Variants in CTLA4 observed in about 807,000 individuals in gnomAD.
The protein encoded by CTLA4 is cytotoxic T-lymphocyte associated protein 4.
A neutral mutation model predicts 20.4 loss-of-function variants in CTLA4; 3 were observed. That is an observed-to-expected ratio of 0.15 (90% confidence interval 0.07 to 0.38). The LOEUF (loss-of-function observed/expected upper bound fraction) is 0.38. Ranked by LOEUF, CTLA4 falls within the 10% of genes least tolerant of loss-of-function variation. The pLI, the probability that CTLA4 is intolerant of heterozygous loss-of-function variation, is 1.00. For missense variants in CTLA4, 184 were observed against 276.8 expected (o/e 0.66, Z 2.38); for synonymous variants, 100 against 105.2 (o/e 0.95, Z 0.30).
At chr2:203,868,946 T>C (rs2105773697) in intron 1 of CTLA4, among the ~76,000 whole-genome samples, 1 of 152,234 alleles carries the variant, frequency 6.6e-6, no homozygotes, top group East Asian at 1.9e-4. Context: ...GAAATATTCA[T>C]ATATGTTTTC....
In CTLA4 at chr2:203,873,402, T is replaced by C. The variant is rs1256998932; in HGVS notation, c.*590T>C. ...TATATATTTTAATTTGATAGTATTG[T>C]GCATAGAGCCACGTATGTTTTTGTG... On this transcript the variant is annotated 3_prime_UTR_variant, in exon 4 of 4. Coordinates refer to ENST00000648405, the MANE Select transcript of CTLA4 (RefSeq NM_005214.5). 1 of 222,084 alleles carries C rather than the reference T, an allele frequency of 4.5e-6. No individual in the cohort carries two copies. The highest frequency in any genetic ancestry group is 7.2e-5 in the East Asian group (1 of 13,880). The allele number at this position is 222,084 out of a possible 1,614,324, so 13.8% of individuals were successfully genotyped here. A position where few individuals can be genotyped will look rare whatever the true frequency, so the allele number is the denominator to read the frequency against.
At chr2:203,872,169 CTCTCCCT>C in intron 3 of CTLA4, among the ~76,000 whole-genome samples, 1 of 152,108 alleles carries the variant, frequency 6.6e-6, no homozygotes, top group Non-Finnish European at 1.5e-5. Flanking sequence ...CCATTACAAA[CTCTCCCT>C]TCTCCCTCTC....
intron 2 of CTLA4, 106 bp from the exon 3 acceptor site, chr2:203,871,272 C>A: frequency 1.0e-6 from 1 of 958,494 alleles, no homozygotes; most frequent in Middle Eastern, 2.5e-4. Context: ...TAGGGGTGGA[C>A]CTCAAGGCCT....
chr2:203,872,857 C>A lies in CTLA4; in HGVS notation c.*45C>A. 7.8e-7 allele frequency: 1 copy of A among 1,275,322 alleles called. No individual in the cohort carries two copies. Among genetic ancestry groups the A allele is most frequent in the Non-Finnish European group, 1.1e-6 (1 of 877,210 alleles). 79.0% of individuals were successfully genotyped at this position (1,275,322 alleles called of 1,614,324 possible). Reference sequence around the variant, plus strand: ...GAGTCCATATTTCAATTTCCAAGAGCTGAGGCAATTCTAACTTTTTTGCTA... The same window carrying A: ...GAGTCCATATTTCAATTTCCAAGAGATGAGGCAATTCTAACTTTTTTGCTA... On this transcript the variant is annotated 3_prime_UTR_variant, in exon 4 of 4. Coordinates refer to ENST00000648405, the MANE Select transcript of CTLA4 (RefSeq NM_005214.5).
At position 203,870,213 on chromosome 2, in the gene CTLA4, A is replaced by G. The variant is rs761708285; in HGVS notation, c.110-373A>G. The G allele has an allele frequency of 2.5e-5, 7 of 279,982 alleles. No homozygotes were observed. The highest frequency in any genetic ancestry group is 4.8e-5 in the Non-Finnish European group (7 of 145,926). The allele number at this position is 279,982 out of a possible 1,614,324, so 17.3% of individuals were successfully genotyped here. On this transcript the variant is annotated intron_variant, in intron 1 of 3. Transcript: ENST00000648405. This position sits in a 1 kb window ranked among gnomAD's most constrained non-coding sequence, Gnocchi z 5.3. ...TCATAACCTTAGAATACCAGAGAACATATCATCTCATCTAATTATCTCTTA... is the reference window on the plus strand; with the variant it reads ...TCATAACCTTAGAATACCAGAGAACGTATCATCTCATCTAATTATCTCTTA...
At position 203,873,327 on chromosome 2, in the gene CTLA4, CATATATATATATATATATAT is replaced by C. The variant is rs60872763; in HGVS notation, c.*552_*571del. On this transcript the variant is annotated 3_prime_UTR_variant, in exon 4 of 4. Transcript: ENST00000648405. The stretch of plus-strand genomic sequence containing the variant: ...TGCTAAAGGTTGTATTGCATATATA[CATATATATATATATATATAT>C]ATATATATATATATATATATATATA... 3,616 of 182,616 alleles carry C rather than the reference CATATATATATATATATATAT, an allele frequency of 0.02. 57 individuals carry two copies. Among genetic ancestry groups the C allele is most frequent in the African/African-American group, 0.053 (1,628 of 30,606 alleles). The allele number at this position is 182,616 out of a possible 1,614,324, so 11.3% of individuals were successfully genotyped here. A position where few individuals can be genotyped will look rare whatever the true frequency, so the allele number is the denominator to read the frequency against.
chr2:203,868,004 C>G lies in CTLA4; in HGVS notation c.62C>G (p.Pro21Arg), dbSNP rs1041117695. The G allele has an allele frequency of 2.5e-6, 4 of 1,614,118 alleles. No homozygotes were observed. The Admixed American group carries it at 6.7e-5, about 27-fold the overall frequency. The stretch of plus-strand genomic sequence containing the variant: ...CTGAACCTGGCTACCAGGACCTGGC[C>G]CTGCACTCTCCTGTTTTTTCTTCTC... Reference protein sequence around the residue: ...AQLNLATRTWPCTLLFFLLFI... With the variant: ...AQLNLATRTWRCTLLFFLLFI... Residue 21 changes from proline (P) to arginine (R), a missense_variant, in exon 1 of 4, where the codon CCC (proline) becomes CGC (arginine). Around this residue, in one of 3 missense-constraint regions of CTLA4, gnomAD observed 35 missense variants for 36.6 expected, o/e 0.96. Coordinates refer to ENST00000648405, the MANE Select transcript of CTLA4 (RefSeq NM_005214.5).
Position 203,870,754 on chromosome 2 carries a change from A to C in CTLA4, c.278A>C (p.Asn93Thr). 6.2e-7 allele frequency: 1 copy of C among 1,614,214 alleles called. No individual in the cohort carries two copies. Among genetic ancestry groups the C allele is most frequent in the Non-Finnish European group, 8.5e-7 (1 of 1,180,036 alleles). ...EVCAATYMMG[N>T]ELTFLDDSIC... is the part of the protein sequence containing the mutation. Reference sequence around the variant, plus strand: ...TGTGCGGCAACCTACATGATGGGGAATGAGTTGACCTTCCTAGATGATTCC... The same window carrying C: ...TGTGCGGCAACCTACATGATGGGGACTGAGTTGACCTTCCTAGATGATTCC... The change falls in exon 2 of 4, where the codon AAT becomes ACT. Residue 93 changes from asparagine (N) to threonine (T), a missense_variant. Transcript: ENST00000648405. This position sits in a 1 kb window ranked among gnomAD's most constrained non-coding sequence, Gnocchi z 5.3.
Position 203,867,908 on chromosome 2 carries a change from C to T in CTLA4, c.-35C>T. On this transcript the variant is annotated 5_prime_UTR_variant, in exon 1 of 4. Transcript: ENST00000648405. ...CAGGATCCTGAAAGGTTTTGCTCTA[C>T]TTCCTGAAGACCTGAACACCGCTCC... 6.5e-7 allele frequency: 1 copy of T among 1,530,244 alleles called. No individual in the cohort carries two copies. Among genetic ancestry groups the T allele is most frequent in the Non-Finnish European group, 9.0e-7 (1 of 1,105,114 alleles). The allele number at this position is 1,530,244 out of a possible 1,614,324, so 94.8% of individuals were successfully genotyped here.
chr2:203,870,963 C>T lies in CTLA4; in HGVS notation c.457+30C>T. 1.3e-6 allele frequency: 2 copies of T among 1,557,302 alleles called. No individual in the cohort carries two copies. The highest frequency in any genetic ancestry group is 1.8e-6 in the Non-Finnish European group (2 of 1,132,974). On this transcript the variant is annotated intron_variant, in intron 2 of 3. Transcript: ENST00000648405. The surrounding 1 kb of genome is among the most constrained non-coding windows in gnomAD (Gnocchi z 5.3). ...GCAAAGCCATTTCACTGAGTTGACA[C>T]CTGTTGCATTGCAGTCTTCTATGCA... is the stretch of plus-strand genomic sequence containing the variant.
chr2:203,872,615 G>T, intron 3 of CTLA4, 93 bp from the exon 4 acceptor site: 6 of 718,146 alleles, frequency 8.4e-6, no homozygotes, highest in Non-Finnish European at 1.5e-5. Context: ...TTTTTAACCA[G>T]CTAGGGACCC....
chr2:203,873,067 A>T lies in CTLA4; in HGVS notation c.*255A>T. The T allele has an allele frequency of 3.4e-6, 2 of 579,860 alleles. No homozygotes were observed. Among genetic ancestry groups the T allele is most frequent in the Admixed American group, 6.1e-5 (2 of 32,940 alleles). The allele number at this position is 579,860 out of a possible 1,614,324, so 35.9% of individuals were successfully genotyped here. A position where few individuals can be genotyped will look rare whatever the true frequency, so the allele number is the denominator to read the frequency against. ...AGCATCACTTGGGATTAATATGGGG[A>T]TGCAGCATTATGATGTGGGTCAAGG... On this transcript the variant is annotated 3_prime_UTR_variant, in exon 4 of 4. Coordinates refer to ENST00000648405, the MANE Select transcript of CTLA4 (RefSeq NM_005214.5).
At chr2:203,872,613 C>T (rs1559592430) in intron 3 of CTLA4, 95 bp from the exon 4 acceptor site, 1 of 663,792 alleles carries the variant, frequency 1.5e-6, no homozygotes, top group South Asian at 2.1e-5. Flanking sequence ...CATTTTTAAC[C>T]AGCTAGGGAC....
intron 1 of CTLA4, among the ~76,000 whole-genome samples, chr2:203,869,680 A>G (rs916790417): frequency 1.4e-4 from 22 of 152,202 alleles, no homozygotes; most frequent in Non-Finnish European, 4.4e-5. Context: ...TTTGAGTTTC[A>G]CTTGTCAGAC....
chr2:203,868,877 G>GT (rs1688677348), intron 1 of CTLA4, among the ~76,000 whole-genome samples: 1 of 152,118 alleles, frequency 6.6e-6, no homozygotes, highest in South Asian at 2.1e-4. Flanking sequence ...AAGAAACCAT[G>GT]TAGTTTGTAT....
At chr2:203,871,509 C>T in intron 3 of CTLA4, 22 bp downstream of exon 3, 1 of 1,563,102 alleles carries the variant, frequency 6.4e-7, no homozygotes, top group Non-Finnish European at 8.8e-7. Context: ...GCTGATGGTG[C>T]ACCATGTCTG....
intron 1 of CTLA4, among the ~76,000 whole-genome samples, chr2:203,868,876 T>C (rs776512699): frequency 2.0e-5 from 3 of 152,192 alleles, no homozygotes; most frequent in Non-Finnish European, 4.4e-5. Flanking sequence ...TAAGAAACCA[T>C]GTAGTTTGTA....
rs756706504 is a variant in CTLA4 at position 203,871,387 on chromosome 2, C to T, written c.467C>T (p.Pro156Leu). The T allele has an allele frequency of 2.3e-5, 37 of 1,613,982 alleles. No homozygotes were observed. The highest frequency in any genetic ancestry group is 2.8e-5 in the Non-Finnish European group (33 of 1,179,970). Reference protein sequence around the residue: ...GTQIYVIDPEPCPDSDFLLWI... With the variant: ...GTQIYVIDPELCPDSDFLLWI... ...TTGTTTTCTGTTGCAGATCCAGAAC[C>T]GTGCCCAGATTCTGACTTCCTCCTC... Residue 156 changes from proline (P) to leucine (L), a missense_variant, in exon 3 of 4, where the codon CCG becomes CTG. Physicochemically the swap from Pro to Leu is moderately conservative, Grantham distance 98. Transcript: ENST00000648405.
rs563844436 is a variant in CTLA4 at position 203,869,301 on chromosome 2, A to G, written c.109+1250A>G. Among the ~76,000 whole-genome samples, 5 of 152,348 alleles carry G rather than the reference A, an allele frequency of 3.3e-5. No homozygotes were observed. The South Asian group carries it at 6.2e-4, about 19-fold the overall frequency. On this transcript the variant is annotated intron_variant, in intron 1 of 3. Coordinates refer to ENST00000648405, the MANE Select transcript of CTLA4 (RefSeq NM_005214.5). Reference sequence around the variant, plus strand: ...GAGCAGAAAGTAATGAACTACTGCAATGGAGTTATCACAGTGCTAAGGATG... The same window carrying G: ...GAGCAGAAAGTAATGAACTACTGCAGTGGAGTTATCACAGTGCTAAGGATG...
Sources: gnomAD v4.1 joint callset for allele counts (sites outside exome capture counted in the v4.1 genomes callset) on GRCh38, gnomAD v4.1.1 for gene constraint, gnomAD v4.1.1 regional missense constraint, Gnocchi (gnomAD v3.1) non-coding constraint, MANE v1.5 for transcripts, NCBI Gene and HGNC (gene_info 2026-07-23, HGNC 2026-07-21) for gene names.